Variants in IL1RAP observed in about 807,000 individuals in gnomAD.
The protein encoded by IL1RAP is interleukin-1 receptor accessory protein.
In IL1RAP, 35 loss-of-function variants were observed where a neutral mutation model predicts 60.7. The ratio of observed to expected loss-of-function variants is 0.58; its 90% CI spans 0.44 to 0.76. The LOEUF (loss-of-function observed/expected upper bound fraction) is 0.76, where lower values mean the gene tolerates loss of function less well. Ranked by LOEUF, IL1RAP falls within the 30% of genes least tolerant of loss-of-function variation. The probability of loss-of-function intolerance (pLI) is 0.00; values close to 1 mark genes in which losing one functional copy is unlikely to be tolerated. For missense variants in IL1RAP, 572 were observed against 693.9 expected (o/e 0.82, Z 1.97); for synonymous variants, 268 against 250.9 (o/e 1.07, Z -0.64).
intron 5 of IL1RAP, among the ~76,000 whole-genome samples, chr3:190,617,055 C>T (rs1410692045): frequency 1.3e-5 from 2 of 152,150 alleles, no homozygotes; most frequent in Non-Finnish European, 2.9e-5. Flanking sequence ...TGTCTACTTC[C>T]CATGTCTACC....
At chr3:190,590,348 C>G (rs569310620) in intron 3 of IL1RAP, among the ~76,000 whole-genome samples, 1 of 151,954 alleles carries the variant, frequency 6.6e-6, no homozygotes, top group East Asian at 1.9e-4. Context: ...CTCTACCTCC[C>G]GGGTTCAAGC....
intron 3 of IL1RAP, among the ~76,000 whole-genome samples, chr3:190,566,899 T>A (rs1455140435): frequency 6.6e-6 from 1 of 152,190 alleles, no homozygotes; most frequent in Non-Finnish European, 1.5e-5. Context: ...GATTTGTTGG[T>A]CTTTCATGAG....
chr3:190,572,298 A>C (rs1726995178), intron 3 of IL1RAP, among the ~76,000 whole-genome samples: 1 of 152,198 alleles, frequency 6.6e-6, no homozygotes, highest in African/African-American at 2.4e-5. Context: ...ATCTAGAGAA[A>C]ACTGAATTTC....
intron 1 of IL1RAP, among the ~76,000 whole-genome samples, chr3:190,529,158 A>G (rs1369693354): frequency 6.6e-6 from 1 of 152,206 alleles, no homozygotes; most frequent in East Asian, 1.9e-4. Flanking sequence ...TGTTCTGCAG[A>G]AGAGATTGGT....
chr3:190,648,476 A>G lies in IL1RAP; in HGVS notation c.1484A>G (p.Asn495Ser), dbSNP rs190436919. Residue 495 changes from asparagine to serine, a missense_variant, in exon 12 of 12, where the codon AAC becomes AGC. Coordinates refer to ENST00000447382, the MANE Select transcript of IL1RAP (RefSeq NM_002182.4). ...CTAGAAAATATGGCCTCTCGGGGCA[A>G]CATCAACGTCATTTTAGTACAGTAC... ...AGLENMASRG[N>S]INVILVQYKA... is the part of the protein sequence containing the mutation. 1.2e-6 allele frequency: 2 copies of G among 1,614,164 alleles called. No homozygotes were observed. The highest frequency in any genetic ancestry group is 2.2e-5 in the East Asian group (1 of 44,856).
chr3:190,614,079 C>T (rs555373113), intron 5 of IL1RAP, among the ~76,000 whole-genome samples: 76 of 151,690 alleles, frequency 5.0e-4, no homozygotes, highest in Non-Finnish European at 9.1e-4. Flanking sequence ...AAGCATCTAC[C>T]CGGATGTCTT....
chr3:190,656,315 G>A (rs779705886), downstream of IL1RAP: 8 of 1,537,230 alleles, frequency 5.2e-6, no homozygotes, highest in Admixed American at 3.9e-5. Flanking sequence ...AGGGCTGCAG[G>A]TAGCCCTCCA....
chr3:190,577,657 A>T (rs1215690765), intron 3 of IL1RAP, among the ~76,000 whole-genome samples: 1 of 152,078 alleles, frequency 6.6e-6, no homozygotes, highest in African/African-American at 2.4e-5. Context: ...CAGCCTTCCA[A>T]GTAGCTGGGA....
chr3:190,572,053 AG>A (rs1726974001), intron 3 of IL1RAP, among the ~76,000 whole-genome samples: 1 of 152,022 alleles, frequency 6.6e-6, no homozygotes, highest in Non-Finnish European at 1.5e-5. Context: ...CTTTTTTTCA[AG>A]GGGGAGAAAT....
At chr3:190,594,687 G>A (rs1196951075) in intron 3 of IL1RAP, among the ~76,000 whole-genome samples, 3 of 152,206 alleles carry the variant, frequency 2.0e-5, no homozygotes, top group Admixed American at 1.3e-4. Context: ...ACTCTATTGG[G>A]AAGGGGCGTG....
chr3:190,591,230 T>C (rs1396823121), intron 3 of IL1RAP, among the ~76,000 whole-genome samples: 1 of 152,226 alleles, frequency 6.6e-6, no homozygotes, highest in Non-Finnish European at 1.5e-5. Context: ...ACATTACCAG[T>C]GTTGCCTCAT....
intron 9 of IL1RAP, among the ~76,000 whole-genome samples, chr3:190,642,947 G>A (rs899126813): frequency 6.6e-6 from 1 of 152,076 alleles, no homozygotes; most frequent in African/African-American, 2.4e-5. Flanking sequence ...AGCTAATAAA[G>A]CAACTAAATA....
exon 12 of IL1RAP, chr3:190,659,534 A>T (rs900474736): frequency 2.6e-5 from 4 of 152,126 alleles, no homozygotes; most frequent in African/African-American, 9.7e-5. Context: ...TAAGAAAGAA[A>T]TTTTTTTCAT....
Position 190,555,926 on chromosome 3 carries a change from GTCTATCTATCTATCTATCTA to G in IL1RAP, c.-88-172_-88-153del, listed in dbSNP as rs67490704. The G allele has an allele frequency of 1.2e-4, 17 of 145,128 alleles. No individual in the cohort carries two copies. The South Asian group carries it at 1.4e-3, about 12-fold the overall frequency. 9.0% of individuals were successfully genotyped at this position (145,128 alleles called of 1,614,324 possible). On this transcript the variant is annotated intron_variant, in intron 1 of 11. Coordinates refer to ENST00000447382, the MANE Select transcript of IL1RAP (RefSeq NM_002182.4). ...TATATATATAGATAGATAGAGATCTGTCTATCTATCTATCTATCTATCTATCTATCTATCTATCTATCTAT... is the reference window on the plus strand; with the variant it reads ...TATATATATAGATAGATAGAGATCTGTCTATCTATCTATCTATCTATCTAT...
intron 1 of IL1RAP, among the ~76,000 whole-genome samples, chr3:190,540,110 C>T (rs1723800405): frequency 1.3e-5 from 2 of 152,006 alleles, no homozygotes; most frequent in Admixed American, 1.3e-4. Flanking sequence ...AAAACACTGT[C>T]ATAGAGTTTT....
chr3:190,548,629 T>C (rs1724586700), intron 1 of IL1RAP, among the ~76,000 whole-genome samples: 1 of 151,970 alleles, frequency 6.6e-6, no homozygotes, highest in East Asian at 1.9e-4. Context: ...TAAGAAAAAA[T>C]CTAAACAAAA....
rs530013560 is a variant in IL1RAP at position 190,612,340 on chromosome 3, G to A, written c.537+3159G>A. Reference sequence around the variant, plus strand: ...AGTTAAAAAAAAAAGTTTATTTACCGTGCAATCTAGGTTTTAATCTCGAAC... The same window carrying A: ...AGTTAAAAAAAAAAGTTTATTTACCATGCAATCTAGGTTTTAATCTCGAAC... On this transcript the variant is annotated intron_variant, in intron 5 of 11. Transcript: ENST00000447382. Among the ~76,000 whole-genome samples, 82 of 151,784 alleles carry A rather than the reference G, an allele frequency of 5.4e-4. 2 individuals are homozygous for A. In the South Asian group the frequency reaches 0.012, roughly 22 times the overall value.
chr3:190,643,023 G>A (rs1008962117), intron 9 of IL1RAP, among the ~76,000 whole-genome samples: 4 of 152,264 alleles, frequency 2.6e-5, no homozygotes, highest in African/African-American at 9.6e-5. Context: ...CTTATATGTG[G>A]AAATGTTCAT....
intron 5 of IL1RAP, 32 bp downstream of exon 5, chr3:190,609,213 C>G (rs1431360600): frequency 7.0e-7 from 1 of 1,426,172 alleles, no homozygotes; most frequent in East Asian, 2.3e-5. Flanking sequence ...TTTATTCTCT[C>G]TAATGGCTTA....
Sources: allele counts gnomAD v4.1 joint callset (sites outside exome capture counted in the v4.1 genomes callset), GRCh38; gene constraint gnomAD v4.1.1; transcripts MANE v1.5; gene names NCBI Gene and HGNC (gene_info 2026-07-23, HGNC 2026-07-21).